The following SPRY3 variants were observed in gnomAD, a reference collection of about 807,000 sequenced individuals.
SPRY3 encodes the protein protein sprouty homolog 3.
In SPRY3, 15 loss-of-function variants were observed where a neutral mutation model predicts 20.2. That is an observed-to-expected ratio of 0.74 (90% CI 0.50 to 1.14). SPRY3 has a LOEUF of 1.14. Among genes scored for constraint, SPRY3 ranks in the 50% most tolerant of loss-of-function variants. SPRY3 has a pLI of 0.00. For synonymous variants in SPRY3, 143 were observed against 136.5 expected (o/e 1.05, Z -0.33); for missense variants, 364 against 363.9 (o/e 1.00, Z 0.00).
rs180800617 is a variant in SPRY3, at chrX:155,649,655, C to G, written c.-440-7212C>G. ...AGACCTATTTATGGCAAACCCACAG[C>G]CAATATCATACTAAATGGGCAAGAG... On this transcript the variant is annotated intron_variant, in intron 1 of 3. Coordinates refer to ENST00000675360, the Ensembl canonical transcript of SPRY3. Among the ~76,000 whole-genome samples, 23 of 111,121 alleles carry G rather than the reference C, an allele frequency of 2.1e-4. No homozygotes were observed. The Admixed American group carries it at 2.2e-3, about 11-fold the overall frequency.
intron 2 of SPRY3, among the ~76,000 whole-genome samples, chrX:155,671,536 G>C (rs781956586): frequency 1.0e-3 from 115 of 111,097 alleles, no homozygotes; most frequent in Non-Finnish European, 1.1e-3. Context: ...CATTTGTTTT[G>C]AGCAGATAGC....
chrX:155,673,115 A>G (rs782588773), intron 2 of SPRY3, among the ~76,000 whole-genome samples: 42 of 95,345 alleles, frequency 4.4e-4, no homozygotes, highest in Admixed American at 9.3e-4. Flanking sequence ...CCTAATGCTA[A>G]ATGACAAGTT....
At chrX:155,724,447 C>T (rs1231367247) in intron 2 of SPRY3, among the ~76,000 whole-genome samples, 9 of 151,912 alleles carry the variant, frequency 5.9e-5, no homozygotes, top group African/African-American at 1.7e-4. Context: ...TGTTTGTGTC[C>T]TCTTTTATTT....
intron 2 of SPRY3, among the ~76,000 whole-genome samples, chrX:155,707,159 G>A (rs2090957531): frequency 6.6e-6 from 1 of 150,982 alleles, no homozygotes; most frequent in South Asian, 2.1e-4. Flanking sequence ...ACTGCTTAAG[G>A]GGCATACCAT....
chrX:155,778,934 G>C (rs1214891886), downstream of SPRY3: 1 of 167,024 alleles, frequency 6.0e-6, no homozygotes, highest in Non-Finnish European at 1.5e-5. Context: ...ATCCAGGGTA[G>C]TATGAGTAAG....
chrX:155,749,721 T>TGCCTATATTTTG (rs373550078), intron 2 of SPRY3, among the ~76,000 whole-genome samples: 57 of 151,986 alleles, frequency 3.8e-4, no homozygotes, highest in African/African-American at 1.4e-3. Flanking sequence ...CTATGATTTT[T>TGCCTATATTTTG]GCCTGGGGAA....
At chrX:155,762,535 G>C (rs1188749486) in intron 2 of SPRY3, among the ~76,000 whole-genome samples, 3 of 152,124 alleles carry the variant, frequency 2.0e-5, no homozygotes, top group Non-Finnish European at 2.9e-5. Flanking sequence ...AGAGAGAAAG[G>C]TTAAATAGAT....
intron 2 of SPRY3, among the ~76,000 whole-genome samples, chrX:155,721,364 A>G (rs2091056327): frequency 6.6e-6 from 1 of 152,160 alleles, no homozygotes; most frequent in Non-Finnish European, 1.5e-5. Flanking sequence ...GTACAGGGGT[A>G]GGGGAGGGTA....
intron 2 of SPRY3, among the ~76,000 whole-genome samples, chrX:155,661,760 G>A (rs1177683121): frequency 1.8e-5 from 2 of 110,813 alleles, no homozygotes; most frequent in Non-Finnish European, 3.8e-5. Context: ...TTCTGTCTAA[G>A]TAGGTTAATT....
chrX:155,714,708 G>T (rs1382117298), intron 2 of SPRY3, among the ~76,000 whole-genome samples: 3 of 151,964 alleles, frequency 2.0e-5, no homozygotes, highest in African/African-American at 7.3e-5. Context: ...GATGCTGTTT[G>T]GGAACCAGGG....
At chrX:155,781,341 A>G (rs1301850003), downstream of SPRY3, 1 of 167,026 alleles carries the variant, frequency 6.0e-6, no homozygotes, top group Non-Finnish European at 1.5e-5. Flanking sequence ...TGTAGAAATC[A>G]CAGTACCCTG....
intron 2 of SPRY3, among the ~76,000 whole-genome samples, chrX:155,735,766 T>C (rs2091164496): frequency 6.6e-6 from 1 of 152,046 alleles, no homozygotes; most frequent in East Asian, 1.9e-4. Flanking sequence ...TCCACTGTGA[T>C]AATCTGTGTT....
rs185980068 is a variant in SPRY3 at position 155,695,426 on chromosome X, C to T, written c.-282+38401C>T. On this transcript the variant is annotated intron_variant, in intron 2 of 3. Coordinates refer to ENST00000675360, the Ensembl canonical transcript of SPRY3. ...TTAAGATTTTCTTTTTTTTGGTTTTCGGTAGTTTGGTTATAATGTGCCTAG... is the reference window on the plus strand; with the variant it reads ...TTAAGATTTTCTTTTTTTTGGTTTTTGGTAGTTTGGTTATAATGTGCCTAG... Among the ~76,000 whole-genome samples the T allele has an allele frequency of 3.1e-3, 334 of 109,090 alleles. 1 individual carries two copies. Among genetic ancestry groups the T allele is most frequent in the African/African-American group, 0.01 (307 of 29,971 alleles). The allele number at this position is 109,090 out of a possible 115,157, so 94.7% of individuals were successfully genotyped here. A position where few individuals can be genotyped will look rare whatever the true frequency, so the allele number is the denominator to read the frequency against.
At chrX:155,655,180 G>A (rs1257542101) in intron 1 of SPRY3, among the ~76,000 whole-genome samples, 1 of 111,231 alleles carries the variant, frequency 9.0e-6, no homozygotes, top group South Asian at 3.8e-4. Context: ...AATGTCTGTT[G>A]TGTCCTTTGG....
chrX:155,751,243 A>C (rs2091260709), intron 2 of SPRY3, among the ~76,000 whole-genome samples: 1 of 151,918 alleles, frequency 6.6e-6, no homozygotes, highest in Admixed American at 6.6e-5. Flanking sequence ...CTTGAGGTTC[A>C]GCTTCCAGAA....
intron 2 of SPRY3, among the ~76,000 whole-genome samples, chrX:155,706,500 A>ATTATTTATGTAAGACTT (rs2090952101): frequency 6.6e-6 from 1 of 151,090 alleles, no homozygotes; most frequent in Non-Finnish European, 1.5e-5. Flanking sequence ...TAAAGCTGAG[A>ATTATTTATGTAAGACTT]AAAAATCAAT....
At chrX:155,625,704 C>G (rs1022301405) in intron 1 of SPRY3, among the ~76,000 whole-genome samples, 11 of 110,998 alleles carry the variant, frequency 9.9e-5, no homozygotes. Context: ...TTTCATTACC[C>G]CAAAAACAAA....
At chrX:155,744,728 T>C (rs2091218050) in intron 2 of SPRY3, among the ~76,000 whole-genome samples, 1 of 152,068 alleles carries the variant, frequency 6.6e-6, no homozygotes, top group African/African-American at 2.4e-5. Context: ...AAAGCATTAC[T>C]GGAAGGAAAC....
exon 4 of SPRY3, chrX:155,774,396 T>C (rs1320047727): frequency 6.2e-7 from 1 of 1,614,042 alleles, no homozygotes; most frequent in Non-Finnish European, 8.5e-7. Context: ...AGCGCTGCCT[T>C]TGCTCTGCTG....
Sources: allele counts gnomAD v4.1 joint callset (sites outside exome capture counted in the v4.1 genomes callset), GRCh38; gene constraint gnomAD v4.1.1; transcripts MANE v1.5; gene names NCBI Gene and HGNC (gene_info 2026-07-23, HGNC 2026-07-21).